BIRC7: variants seen among roughly 807,000 people sequenced by gnomAD.
BIRC7 encodes the protein baculoviral IAP repeat containing 7, also known as baculoviral IAP repeat-containing protein 7.
In BIRC7, 26 loss-of-function variants were observed where a neutral mutation model predicts 33.2. That is an observed-to-expected ratio of 0.78 (90% CI 0.57 to 1.09). The LOEUF is 1.09. Ranked by LOEUF, BIRC7 falls within the 50% of genes least tolerant of loss-of-function variation. BIRC7 has a pLI of 0.00. For synonymous variants in BIRC7, 176 were observed against 171.0 expected (o/e 1.03, Z -0.23); for missense variants, 409 against 401.2 (o/e 1.02, Z -0.17).
chr20:63,237,001 T>C (rs2066693046), intron 1 of BIRC7, among the ~76,000 whole-genome samples: 1 of 152,218 alleles, frequency 6.6e-6, no homozygotes, highest in Admixed American at 6.5e-5. Context: ...TCCTCTGCCC[T>C]ACAGCTGCAG....
At chr20:63,237,680 C>T (rs1054831370) in intron 1 of BIRC7, among the ~76,000 whole-genome samples, 3 of 152,152 alleles carry the variant, frequency 2.0e-5, no homozygotes, top group Admixed American at 6.5e-5. Context: ...TGAACATTCT[C>T]GCCCATCCTG....
At chr20:63,237,798 T>G in intron 1 of BIRC7, 105 bp from the exon 2 acceptor site, 3 of 656,366 alleles carry the variant, frequency 4.6e-6, no homozygotes, top group Non-Finnish European at 6.9e-6. Context: ...TCTTGCCACC[T>G]GGGAGCTCCC....
At chr20:63,238,029 G>A (rs768255744) in intron 2 of BIRC7, 27 bp downstream of exon 2, 10 of 1,555,932 alleles carry the variant, frequency 6.4e-6, no homozygotes, top group Non-Finnish European at 7.8e-6. Context: ...CGGGGCCCCG[G>A]GTCTGATCAT....
At chr20:63,238,713 G>GTGAC in intron 4 of BIRC7, 99 bp downstream of exon 4, 1 of 1,491,854 alleles carries the variant, frequency 6.7e-7, no homozygotes, top group Admixed American at 1.7e-5. Context: ...AGCAGGGAGA[G>GTGAC]TGACGGGCAC....
In BIRC7 at chr20:63,239,492, A is replaced by G. The variant is rs1261231664; in HGVS notation, c.784A>G (p.Ile262Val). 1.9e-6 allele frequency: 3 copies of G among 1,606,882 alleles called. No homozygotes were observed. Among genetic ancestry groups the G allele is most frequent in the Admixed American group, 1.7e-5 (1 of 60,014 alleles). ...GGTGTGCCTGGACCGCGCCGTGTCC[A>G]TCGTCTTTGTGCCGTGCGGCCACCT... ...CKVCLDRAVS[I>V]VFVPCGHLVC... The change falls in exon 6 of 7, where the codon ATC (isoleucine) becomes GTC (valine). Residue 262 changes from isoleucine (I) to valine (V), a missense_variant. Coordinates refer to ENST00000217169, the MANE Select transcript of BIRC7 (RefSeq NM_139317.3).
Position 63,235,931 on chromosome 20 carries a change from A to C in BIRC7, c.-166A>C. 1.2e-6 allele frequency: 1 copy of C among 840,508 alleles called. No homozygotes were observed. The highest frequency in any genetic ancestry group is 1.7e-6 in the Non-Finnish European group (1 of 572,034). 52.1% of individuals were successfully genotyped at this position (840,508 alleles called of 1,614,324 possible). A position where few individuals can be genotyped will look rare whatever the true frequency, so the allele number is the denominator to read the frequency against. On this transcript the variant is annotated 5_prime_UTR_variant, in exon 1 of 7. Coordinates refer to ENST00000217169, the MANE Select transcript of BIRC7 (RefSeq NM_139317.3). The stretch of plus-strand genomic sequence containing the variant: ...CTTCCAGAAAGCTGTGGGCCCTGGG[A>C]TACTCCCCTCCCAGGGTGTCTGGTG...
chr20:63,237,825 C>T (rs1198392891), intron 1 of BIRC7, 78 bp from the exon 2 acceptor site: 1 of 1,297,880 alleles, frequency 7.7e-7, no homozygotes, highest in Non-Finnish European at 1.0e-6. Context: ...CTGAAGCTCT[C>T]ATAGCCTTGG....
At chr20:63,238,827 T>A in intron 4 of BIRC7, 1 of 674,374 alleles carries the variant, frequency 1.5e-6, no homozygotes, top group Non-Finnish European at 2.5e-6. Flanking sequence ...GGCCCCATTC[T>A]GCTTCTCTCC....
rs146445887 is a variant in BIRC7 at position 63,238,425 on chromosome 20, G to A, written c.479G>A (p.Arg160Lys). 247 of 1,612,274 alleles carry A rather than the reference G, an allele frequency of 1.5e-4. No homozygotes were observed. The highest frequency in any genetic ancestry group is 2.2e-4 in the Admixed American group (13 of 59,992). The change falls in exon 3 of 7, where the codon AGA becomes AAA. Residue 160 changes from arginine to lysine, a missense_variant. Transcript: ENST00000217169. Reference protein sequence around the residue: ...SCQFLLRSKGRDFVHSVQETH... With the variant: ...SCQFLLRSKGKDFVHSVQETH... Reference sequence around the variant, plus strand: ...CAGTTCCTGCTCCGGTCAAAAGGAAGAGACTTTGTCCACAGTGTGCAGGAG... The same window carrying A: ...CAGTTCCTGCTCCGGTCAAAAGGAAAAGACTTTGTCCACAGTGTGCAGGAG...
rs754554841 is a variant in BIRC7, at chr20:63,239,603, T to TAGGCCAGGTGAGCGCCCC, written c.*1_*5+13dup. 12 of 1,594,252 alleles carry TAGGCCAGGTGAGCGCCCC rather than the reference T, an allele frequency of 7.5e-6. No individual in the cohort carries two copies. The African/African-American group carries it at 1.6e-4, about 21-fold the overall frequency. ...CAGCCGCGTGCGCACCTTCCTGTCCTAGGCCAGGTGAGCGCCCCAGCACCA... is the reference window on the plus strand; with the variant it reads ...CAGCCGCGTGCGCACCTTCCTGTCCTAGGCCAGGTGAGCGCCCCAGGCCAGGTGAGCGCCCCAGCACCA... On this transcript the variant is annotated inframe_insertion and stop_retained_variant, in exon 6 of 7. Transcript: ENST00000217169.
At chr20:63,238,151 G>A in intron 2 of BIRC7, 149 bp downstream of exon 2, 2 of 898,282 alleles carry the variant, frequency 2.2e-6, no homozygotes, top group Non-Finnish European at 3.4e-6. Flanking sequence ...CTTCTGGCCG[G>A]CAGGTACCCA....
rs965848770 is a variant in BIRC7 at position 63,238,614 on chromosome 20, G to A, written c.577G>A (p.Val193Ile). ...AGACGCAGCCCCTGTGGCCCCCTCCGGTGAGAGCTGACACCACCCCTGCTG... is the reference window on the plus strand; with the variant it reads ...AGACGCAGCCCCTGTGGCCCCCTCCAGTGAGAGCTGACACCACCCCTGCTG... ...PEDAAPVAPS[V>I]PASGYPELPT... Residue 193 changes from valine (V) to isoleucine (I), a missense_variant and splice_region_variant, in exon 4 of 7, where the codon GTC (valine) becomes ATC (isoleucine). Val to Ile is a conservative substitution (Grantham distance 29). Coordinates refer to ENST00000217169, the MANE Select transcript of BIRC7 (RefSeq NM_139317.3). 134 of 1,612,610 alleles carry A rather than the reference G, an allele frequency of 8.3e-5. 1 individual carries two copies. The highest frequency in any genetic ancestry group is 4.9e-4 in the Middle Eastern group (3 of 6,078).
Position 63,239,396 on chromosome 20 carries a change from GTTC to G in BIRC7, c.691_693del (p.Leu231del). 6.2e-7 allele frequency: 1 copy of G among 1,604,954 alleles called. No individual in the cohort carries two copies. The highest frequency in any genetic ancestry group is 1.7e-4 in the Middle Eastern group (1 of 6,056). On this transcript the variant is annotated inframe_deletion, in exon 6 of 7. Coordinates refer to ENST00000217169, the MANE Select transcript of BIRC7 (RefSeq NM_139317.3). ...AGCCGAGGCCCAGAGGGCGTGGTGG[GTTC>G]TTGAGCCCCCAGGAGCCAGGGATGT...
intron 1 of BIRC7, 107 bp from the exon 2 acceptor site, chr20:63,237,796 C>G: frequency 1.1e-6 from 1 of 945,890 alleles, no homozygotes; most frequent in Non-Finnish European, 1.5e-6. Flanking sequence ...CTTCTTGCCA[C>G]CTGGGAGCTC....
intron 4 of BIRC7, 90 bp downstream of exon 4, chr20:63,238,704 G>A (rs2123027768): frequency 6.6e-7 from 1 of 1,511,172 alleles, no homozygotes; most frequent in East Asian, 2.3e-5. Flanking sequence ...CTCCCAGACA[G>A]CAGGGAGAGT....
At chr20:63,236,470 C>T (rs1255932868) in intron 1 of BIRC7, 25 bp downstream of exon 1, 2 of 1,506,104 alleles carry the variant, frequency 1.3e-6, no homozygotes, top group South Asian at 2.6e-5. Flanking sequence ...GGGGGGCCTT[C>T]CTGCCGTGGG....
intron 4 of BIRC7, 103 bp downstream of exon 4, chr20:63,238,717 C>T (rs1158055780): frequency 2.1e-5 from 31 of 1,469,432 alleles, no homozygotes; most frequent in Middle Eastern, 1.7e-4. Context: ...GGGAGAGTGA[C>T]GGGCACGTGA....
rs113924522 is a variant in BIRC7, at chr20:63,236,131, G to A, written c.35G>A (p.Arg12His). ...GPKDSAKCLHRGPQPSHWAAG... is the reference protein window; with the variant it reads ...GPKDSAKCLHHGPQPSHWAAG... ...AAAGACAGTGCCAAGTGCCTGCACC[G>A]TGGACCACAGCCGAGCCACTGGGCA... Residue 12 changes from arginine to histidine, a missense_variant, in exon 1 of 7, where the codon CGT (arginine) becomes CAT (histidine). Arg to His is a conservative substitution (Grantham distance 29). Transcript: ENST00000217169. 2.0e-5 allele frequency: 32 copies of A among 1,578,152 alleles called. No individual in the cohort carries two copies. Among genetic ancestry groups the A allele is most frequent in the Admixed American group, 1.3e-4 (7 of 55,720 alleles).
chr20:63,238,779 G>T, intron 4 of BIRC7, 165 bp downstream of exon 4: 1 of 936,942 alleles, frequency 1.1e-6, no homozygotes, highest in South Asian at 1.6e-5. Context: ...TGCCATGTGA[G>T]GGTGGGGGCG....
Sources: gnomAD v4.1 joint callset for allele counts (sites outside exome capture counted in the v4.1 genomes callset) on GRCh38, gnomAD v4.1.1 for gene constraint, MANE v1.5 for transcripts, NCBI Gene and HGNC (gene_info 2026-07-23, HGNC 2026-07-21) for gene names.